Variants in IPO7 observed in about 807,000 individuals in gnomAD.
IPO7 encodes importin 7, also known as importin-7.
IPO7 carries 13 observed loss-of-function variants against 136.4 expected under a neutral mutation model. That is an observed-to-expected ratio of 0.10 (90% CI 0.06 to 0.15). IPO7 has a LOEUF of 0.15. Among genes scored for constraint, IPO7 ranks in the 10% least tolerant of loss-of-function variants. The pLI is 1.00. For missense variants in IPO7, 857 were observed against 1,240.6 expected (o/e 0.69, Z 4.65); for synonymous variants, 403 against 404.4 (o/e 1.00, Z 0.04).
intron 24 of IPO7, among the ~76,000 whole-genome samples, chr11:9,443,769 G>A (rs530698555): frequency 9.2e-5 from 14 of 151,534 alleles, no homozygotes; most frequent in Non-Finnish European, 2.1e-4. Context: ...GCATGGTGGT[G>A]CATGCCTGTA....
rs397953468 is a variant in IPO7 at position 9,432,989 on chromosome 11, G to GTTTTTTTTTTTTTTTTTTTTTTTTT, written c.1882-565_1882-564insTTTTTTTTTTTTTTTTTTTTTTTTT. ...TAACAGATGGGCTATCTTCCAAATG[G>GTTTTTTTTTTTTTTTTTTTTTTTTT]TTTTTTTTTTTTTTTTGAGATGGAG... On this transcript the variant is annotated intron_variant, in intron 16 of 24. Coordinates refer to ENST00000379719, the MANE Select transcript of IPO7 (RefSeq NM_006391.3). The GTTTTTTTTTTTTTTTTTTTTTTTTT allele has an allele frequency of 9.6e-4, 118 of 123,218 alleles. 9 individuals are homozygous for GTTTTTTTTTTTTTTTTTTTTTTTTT. Among genetic ancestry groups the GTTTTTTTTTTTTTTTTTTTTTTTTT allele is most frequent in the African/African-American group, 3.1e-3 (105 of 34,322 alleles). The allele number at this position is 123,218 out of a possible 1,614,324, so 7.6% of individuals were successfully genotyped here.
chr11:9,395,662 G>A (rs146367103), intron 1 of IPO7, among the ~76,000 whole-genome samples: 11 of 151,566 alleles, frequency 7.3e-5, no homozygotes, highest in Admixed American at 3.9e-4. Context: ...CTATATCCCC[G>A]CTAACAGAAA....
At chr11:9,395,405 G>A (rs928680607) in intron 1 of IPO7, among the ~76,000 whole-genome samples, 2 of 151,830 alleles carry the variant, frequency 1.3e-5, no homozygotes, top group South Asian at 2.1e-4. Context: ...CACTGTGCCC[G>A]GTTAATTGTA....
intron 4 of IPO7, 23 bp from the exon 5 acceptor site, chr11:9,414,232 T>C: frequency 5.8e-6 from 9 of 1,560,292 alleles, no homozygotes; most frequent in Non-Finnish European, 7.8e-6. Context: ...TCTTACAGAA[T>C]TAGTTTGTAT....
intron 1 of IPO7, among the ~76,000 whole-genome samples, chr11:9,395,539 C>G (rs1854696100): frequency 6.6e-6 from 1 of 152,016 alleles, no homozygotes; most frequent in African/African-American, 2.4e-5. Context: ...GCCCCCGGCC[C>G]TCACTTGTTA....
At chr11:9,387,263 T>C (rs1323315338) in intron 1 of IPO7, among the ~76,000 whole-genome samples, 1 of 152,240 alleles carries the variant, frequency 6.6e-6, no homozygotes, top group Non-Finnish European at 1.5e-5. Context: ...AAATAATCAC[T>C]GACTCAATGT....
At chr11:9,427,092 C>T (rs535270530) in intron 12 of IPO7, among the ~76,000 whole-genome samples, 28 of 152,246 alleles carry the variant, frequency 1.8e-4, no homozygotes, top group African/African-American at 6.5e-4. Context: ...TCAGGTGATC[C>T]GCCTGCCTCA....
At chr11:9,431,480 A>C (rs1267238142) in intron 16 of IPO7, among the ~76,000 whole-genome samples, 7 of 133,074 alleles carry the variant, frequency 5.3e-5, no homozygotes, top group Non-Finnish European at 1.2e-4. Flanking sequence ...TTTTTTTTTG[A>C]GATGGAGTCT....
At chr11:9,405,942 G>T (rs1009269189) in intron 2 of IPO7, among the ~76,000 whole-genome samples, 1 of 151,174 alleles carries the variant, frequency 6.6e-6, no homozygotes, top group Non-Finnish European at 1.5e-5. Context: ...AGGCCGGGGT[G>T]CAGTGACTCA....
At position 9,403,548 on chromosome 11, in the gene IPO7, G is replaced by C. The variant is rs1320321265; in HGVS notation, c.166+177G>C. 5 of 532,404 alleles carry C rather than the reference G, an allele frequency of 9.4e-6. No individual in the cohort carries two copies. The East Asian group carries it at 1.6e-4, about 17-fold the overall frequency. 33.0% of individuals were successfully genotyped at this position (532,404 alleles called of 1,614,324 possible). A position where few individuals can be genotyped will look rare whatever the true frequency, so the allele number is the denominator to read the frequency against. On this transcript the variant is annotated intron_variant, in intron 2 of 24. Transcript: ENST00000379719. ...TTGATATCTGGTGGCAGAGTTTAAA[G>C]GAATAATTTGACATTTAGTTGAATT...
At position 9,408,605 on chromosome 11, in the gene IPO7, G is replaced by A; in HGVS notation, c.286G>A (p.Val96Ile). The A allele has an allele frequency of 6.3e-7, 1 of 1,595,004 alleles. No individual in the cohort carries two copies. The highest frequency in any genetic ancestry group is 8.5e-7 in the Non-Finnish European group (1 of 1,169,894). Residue 96 changes from valine to isoleucine, a missense_variant, in exon 3 of 25, where the codon GTA becomes ATA. Val to Ile is a conservative substitution (Grantham distance 29). Transcript: ENST00000379719. ...TCGCCATTGTATTCGAGAAAATATT[G>A]TAGAAGCCATTATCCATTCTCCTGA... ...EDRHCIRENIVEAIIHSPELI... is the reference protein window; with the variant it reads ...EDRHCIRENIIEAIIHSPELI...
chr11:9,433,131 C>G (rs1198816326), intron 16 of IPO7: 1 of 156,394 alleles, frequency 6.4e-6, no homozygotes, highest in Non-Finnish European at 1.4e-5. Context: ...ATTACAGGCA[C>G]CCGCCACCAT....
intron 2 of IPO7, among the ~76,000 whole-genome samples, chr11:9,407,843 A>C (rs1854908864): frequency 6.6e-6 from 1 of 152,172 alleles, no homozygotes; most frequent in African/African-American, 2.4e-5. Context: ...CTGGGTAAAA[A>C]GCTTTGCTAG....
chr11:9,392,245 T>C, intron 1 of IPO7: 1 of 316,902 alleles, frequency 3.2e-6, no homozygotes, highest in South Asian at 2.3e-5. Flanking sequence ...TGGCACAATC[T>C]CGGCTCGCCA....
intron 1 of IPO7, among the ~76,000 whole-genome samples, chr11:9,399,999 A>G (rs1854770114): frequency 6.6e-6 from 1 of 152,178 alleles, no homozygotes; most frequent in Non-Finnish European, 1.5e-5. Flanking sequence ...CCCCACGGAT[A>G]TCAAAATTCA....
intron 5 of IPO7, among the ~76,000 whole-genome samples, chr11:9,416,777 G>T (rs1256579482): frequency 6.6e-6 from 1 of 152,030 alleles, no homozygotes; most frequent in African/African-American, 2.4e-5. Flanking sequence ...TAGAATCCTA[G>T]AACAGAATCT....
intron 10 of IPO7, 69 bp from the exon 11 acceptor site, chr11:9,424,845 A>G: frequency 1.0e-6 from 1 of 989,768 alleles, no homozygotes; most frequent in Middle Eastern, 2.2e-4. Flanking sequence ...TGTAAAGATT[A>G]AGCATGTTTT....
At chr11:9,425,398 GGAGTTT>G in intron 12 of IPO7, 136 bp downstream of exon 12, 1 of 639,814 alleles carries the variant, frequency 1.6e-6, no homozygotes, top group Non-Finnish European at 2.8e-6. Flanking sequence ...CCTGAGCCCA[GGAGTTT>G]GAGAACAGCC....
chr11:9,401,561 T>TA (rs11330854), intron 1 of IPO7, among the ~76,000 whole-genome samples: 275 of 139,972 alleles, frequency 2.0e-3, no homozygotes, highest in East Asian at 0.016. Flanking sequence ...AACAAAAAAT[T>TA]AAAAAAAAAA....
Sources: gnomAD v4.1 joint callset for allele counts (sites outside exome capture counted in the v4.1 genomes callset) on GRCh38, gnomAD v4.1.1 for gene constraint, MANE v1.5 for transcripts, NCBI Gene and HGNC (gene_info 2026-07-23, HGNC 2026-07-21) for gene names.